The following TECTA variants were observed in gnomAD, a reference collection of about 807,000 sequenced individuals.
TECTA encodes the protein alpha-tectorin.
A neutral mutation model predicts 216.8 loss-of-function variants in TECTA; 128 were observed. The ratio of observed to expected loss-of-function variants is 0.59; its 90% CI spans 0.51 to 0.68. The LOEUF (loss-of-function observed/expected upper bound fraction) is 0.68. TECTA is among the 30% of genes least tolerant of loss of function. The probability of loss-of-function intolerance (pLI) is 0.00; values close to 1 mark genes in which losing one functional copy is unlikely to be tolerated. For synonymous variants in TECTA, 1,089 were observed against 1,117.1 expected (o/e 0.97, Z 0.50); for missense variants, 2,551 against 2,786.2 (o/e 0.92, Z 1.90).
intron 18 of TECTA, among the ~76,000 whole-genome samples, chr11:121,167,290 C>G (rs957967749): frequency 3.9e-5 from 6 of 152,134 alleles, no homozygotes; most frequent in Admixed American, 3.9e-4. Flanking sequence ...TAAAAATTAG[C>G]TGGGTGTGGT....
chr11:121,159,601 T>G (rs1284645930), intron 14 of TECTA, among the ~76,000 whole-genome samples: 2 of 152,338 alleles, frequency 1.3e-5, no homozygotes, highest in African/African-American at 4.8e-5. Context: ...GTATAGGTCC[T>G]CTGGGGGGAC....
chr11:121,118,020 T>G (rs1479438810), intron 6 of TECTA, among the ~76,000 whole-genome samples: 1 of 152,192 alleles, frequency 6.6e-6, no homozygotes, highest in Non-Finnish European at 1.5e-5. Context: ...GAATGTGAGT[T>G]TGCTCACCAG....
intron 17 of TECTA, among the ~76,000 whole-genome samples, chr11:121,165,816 G>C (rs997285037): frequency 6.6e-6 from 1 of 152,218 alleles, no homozygotes; most frequent in Non-Finnish European, 1.5e-5. Flanking sequence ...TCCAGGACTT[G>C]TTCCTAACTG....
intron 18 of TECTA, 135 bp downstream of exon 18, chr11:121,166,915 G>A (rs906758761): frequency 2.1e-6 from 2 of 966,304 alleles, no homozygotes; most frequent in Non-Finnish European, 3.2e-6. Flanking sequence ...CAATAGGCAT[G>A]TGCAACATGA....
intron 9 of TECTA, among the ~76,000 whole-genome samples, chr11:121,128,949 A>AT (rs773511978): frequency 1.4e-4 from 21 of 152,302 alleles, no homozygotes; most frequent in Non-Finnish European, 2.5e-4. Flanking sequence ...GCAACTCCTC[A>AT]TTTCACATGA....
intron 7 of TECTA, among the ~76,000 whole-genome samples, chr11:121,124,948 A>C (rs997672719): frequency 1.3e-5 from 2 of 152,228 alleles, no homozygotes; most frequent in African/African-American, 4.8e-5. Flanking sequence ...TATTTAGAGG[A>C]ATGCAGAGGA....
chr11:121,132,820 C>G (rs911702807), intron 10 of TECTA, among the ~76,000 whole-genome samples: 1 of 152,196 alleles, frequency 6.6e-6, no homozygotes, highest in Non-Finnish European at 1.5e-5. Context: ...CCACCAGGTT[C>G]AAGCAATTCT....
intron 21 of TECTA, 36 bp downstream of exon 21, chr11:121,188,030 A>T: frequency 6.2e-7 from 1 of 1,612,384 alleles, no homozygotes; most frequent in Non-Finnish European, 8.5e-7. Context: ...GCTTAGCCTT[A>T]TTTCTCACTG....
chr11:121,153,752 G>A (rs11826847), intron 13 of TECTA, among the ~76,000 whole-genome samples: 39,343 of 152,080 alleles, frequency 0.26, 6,230 homozygotes, highest in African/African-American at 0.44. Context: ...ATTAGTTCAC[G>A]AAATCATTTC....
At chr11:121,123,929 T>C (rs584329) in intron 7 of TECTA, among the ~76,000 whole-genome samples, 111,821 of 152,008 alleles carry the variant, frequency 0.74, 41,677 homozygotes, top group African/African-American at 0.86. Context: ...CCCAGGTATG[T>C]TCCCAACCTA....
At chr11:121,152,617 T>C (rs933229305) in intron 12 of TECTA, among the ~76,000 whole-genome samples, 1 of 152,076 alleles carries the variant, frequency 6.6e-6, no homozygotes, top group African/African-American at 2.4e-5. Flanking sequence ...AGGATCTCAA[T>C]GGCCAGGCTG....
intron 20 of TECTA, 102 bp from the exon 21 acceptor site, chr11:121,187,730 A>T: frequency 1.5e-6 from 2 of 1,329,194 alleles, no homozygotes; most frequent in Non-Finnish European, 2.2e-6. Flanking sequence ...TCTGCCATTT[A>T]TGGTGGTTTT....
intron 20 of TECTA, among the ~76,000 whole-genome samples, chr11:121,186,021 T>G (rs1312067778): frequency 2.3e-5 from 2 of 87,574 alleles, no homozygotes; most frequent in African/African-American, 7.0e-5. Context: ...TGTTCAATGC[T>G]TAATGAATGA....
intron 20 of TECTA, among the ~76,000 whole-genome samples, chr11:121,185,135 T>C (rs956590139): frequency 3.3e-5 from 5 of 152,226 alleles, no homozygotes; most frequent in Non-Finnish European, 7.3e-5. Context: ...CCCCAGTGTC[T>C]GTCTGAATAA....
At chr11:121,166,071 A>G (rs569940871) in intron 17 of TECTA, among the ~76,000 whole-genome samples, 9 of 152,358 alleles carry the variant, frequency 5.9e-5, no homozygotes, top group African/African-American at 2.2e-4. Flanking sequence ...CTTATTAGCC[A>G]GTGTTTATAT....
chr11:121,142,106 AG>A (rs1402851338), intron 11 of TECTA, among the ~76,000 whole-genome samples: 1 of 152,196 alleles, frequency 6.6e-6, no homozygotes, highest in African/African-American at 2.4e-5. Flanking sequence ...TAGTAAAGTG[AG>A]GGATGCAAGG....
intron 20 of TECTA, among the ~76,000 whole-genome samples, chr11:121,182,233 G>A (rs1252442573): frequency 1.3e-5 from 2 of 152,024 alleles, no homozygotes; most frequent in Non-Finnish European, 2.9e-5. Context: ...CAGGTGGGTG[G>A]GTCCTCAGGC....
In TECTA at chr11:121,125,813, C is replaced by T. The variant is rs772636065; in HGVS notation, c.1715C>T (p.Ala572Val). The T allele has an allele frequency of 3.1e-6, 5 of 1,613,644 alleles. No individual in the cohort carries two copies. The highest frequency in any genetic ancestry group is 1.7e-5 in the Admixed American group (1 of 60,008). Residue 572 changes from alanine to valine, a missense_variant, in exon 8 of 24, where the codon GCT becomes GTT. Transcript: ENST00000392793. ...CTCTGCCAAGCCATCCAGGCCTATG[C>T]TCTTGTGTGCCAAGCCCTTGGCATT... ...TLLCQAIQAY[A>V]LVCQALGIPI...
chr11:121,124,682 C>A (rs1946590333), intron 7 of TECTA, among the ~76,000 whole-genome samples: 1 of 152,228 alleles, frequency 6.6e-6, no homozygotes, highest in Non-Finnish European at 1.5e-5. Context: ...CTTTACATCT[C>A]AGTTCCTGAC....
Sources: allele counts gnomAD v4.1 joint callset (sites outside exome capture counted in the v4.1 genomes callset), GRCh38; gene constraint gnomAD v4.1.1; transcripts MANE v1.5; gene names NCBI Gene and HGNC (gene_info 2026-07-23, HGNC 2026-07-21).